Variants in NDUFB4 observed in about 807,000 individuals in gnomAD.
NDUFB4 encodes NADH dehydrogenase [ubiquinone] 1 beta subcomplex subunit 4.
In NDUFB4, 10 loss-of-function variants were observed where a neutral mutation model predicts 14.5. The observed-to-expected ratio is 0.69, with a 90% confidence interval of 0.43 to 1.17. NDUFB4 has a LOEUF of 1.17. Ranked by LOEUF, NDUFB4 falls within the 50% of genes most tolerant of loss-of-function variation. NDUFB4 has a pLI of 0.00. For synonymous variants in NDUFB4, 65 were observed against 63.4 expected, an observed-to-expected ratio of 1.03 and a Z score of -0.12; for missense variants, 165 against 161.1, an observed-to-expected ratio of 1.02 and a Z score of -0.13.
intron 1 of NDUFB4, among the ~76,000 whole-genome samples, chr3:120,599,232 AGTTTGGGATATGTGAC>A (rs1213614824): frequency 6.6e-6 from 1 of 152,158 alleles, no homozygotes; most frequent in Non-Finnish European, 1.5e-5. Flanking sequence ...TTGGGAAATC[AGTTTGGGATATGTGAC>A]GTTTTAGATG....
At chr3:120,600,771 G>A (rs1940043921) in intron 1 of NDUFB4, among the ~76,000 whole-genome samples, 1 of 152,202 alleles carries the variant, frequency 6.6e-6, no homozygotes, top group Non-Finnish European at 1.5e-5. Flanking sequence ...AAACAGTCCA[G>A]AGAAGAATAG....
At chr3:120,599,502 G>T (rs1339316460) in intron 1 of NDUFB4, among the ~76,000 whole-genome samples, 1 of 152,074 alleles carries the variant, frequency 6.6e-6, no homozygotes, top group Non-Finnish European at 1.5e-5. Flanking sequence ...CATAGAGTTA[G>T]CAGGAAATCC....
intron 1 of NDUFB4, 196 bp from the exon 2 acceptor site, chr3:120,600,915 G>C: frequency 1.8e-6 from 1 of 559,996 alleles, no homozygotes; most frequent in Non-Finnish European, 3.1e-6. Flanking sequence ...TGAAGGATTT[G>C]AACAAGATCA....
At chr3:120,600,734 G>C (rs1940043471) in intron 1 of NDUFB4, among the ~76,000 whole-genome samples, 1 of 152,190 alleles carries the variant, frequency 6.6e-6, no homozygotes, top group African/African-American at 2.4e-5. Flanking sequence ...GCATGGTTCT[G>C]ATGGTCACAC....
At position 120,596,359 on chromosome 3, in the gene NDUFB4, G is replaced by C. The variant is rs1353055648; in HGVS notation, c.-1G>C. On this transcript the variant is annotated 5_prime_UTR_variant, in exon 1 of 3. Coordinates refer to ENST00000184266, the MANE Select transcript of NDUFB4 (RefSeq NM_004547.6). ...GCGCAATTGTGCCCTGGTTCGCCAA[G>C]ATGTCGTTCCCAAAGTATAAGCCGT... 1 of 1,614,070 alleles carries C rather than the reference G, an allele frequency of 6.2e-7. No individual in the cohort carries two copies. Among genetic ancestry groups the C allele is most frequent in the East Asian group, 2.2e-5 (1 of 44,880 alleles).
chr3:120,600,136 T>TTGAGACGGAGTCTCGCTCTGTCGCCC (rs1940033853), intron 1 of NDUFB4, among the ~76,000 whole-genome samples: 24 of 144,972 alleles, frequency 1.7e-4, no homozygotes, highest in East Asian at 8.7e-4. Context: ...TTTTTTTTTT[T>TTGAGACGGAGTCTCGCTCTGTCGCCC]AAACTTCTGA....
chr3:120,600,590 C>T (rs113530768), intron 1 of NDUFB4, among the ~76,000 whole-genome samples: 7 of 152,294 alleles, frequency 4.6e-5, no homozygotes, highest in Admixed American at 2.6e-4. Flanking sequence ...CTAGCCTACC[C>T]CCTCCTTCAT....
intron 1 of NDUFB4, among the ~76,000 whole-genome samples, chr3:120,596,977 CTA>C (rs1344918424): frequency 7.2e-6 from 1 of 138,012 alleles, no homozygotes; most frequent in African/African-American, 2.6e-5. Context: ...TATATATATT[CTA>C]TATATATGCA....
intron 2 of NDUFB4, chr3:120,601,887 A>G (rs1343194414): frequency 2.8e-6 from 3 of 1,064,568 alleles, no homozygotes; most frequent in Non-Finnish European, 2.3e-6. Flanking sequence ...TTTCCCAGAA[A>G]GTGTTTGCAT....
intron 2 of NDUFB4, chr3:120,601,932 A>G (rs1940070666): frequency 3.4e-6 from 4 of 1,178,892 alleles, no homozygotes; most frequent in Non-Finnish European, 4.2e-6. Flanking sequence ...GGGATAATAT[A>G]TTTCTAATGA....
At chr3:120,601,006 T>C (rs1038475710) in intron 1 of NDUFB4, 105 bp from the exon 2 acceptor site, 1 of 966,352 alleles carries the variant, frequency 1.0e-6, no homozygotes. Flanking sequence ...TTAACTGTTC[T>C]AGAGAACAAA....
chr3:120,602,153 A>G, intron 2 of NDUFB4, 55 bp from the exon 3 acceptor site: 1 of 1,584,020 alleles, frequency 6.3e-7, no homozygotes, highest in Non-Finnish European at 8.5e-7. Context: ...TTTATCTAAT[A>G]TAGCCAACTG....
At chr3:120,601,442 A>G in intron 2 of NDUFB4, 185 bp downstream of exon 2, 2 of 1,432,724 alleles carry the variant, frequency 1.4e-6, no homozygotes, top group Non-Finnish European at 1.8e-6. Context: ...GAAAGTTTTC[A>G]GTCACCTTTG....
chr3:120,597,073 A>T (rs1027706332), intron 1 of NDUFB4, among the ~76,000 whole-genome samples: 4 of 146,324 alleles, frequency 2.7e-5, no homozygotes, highest in African/African-American at 7.5e-5. Context: ...TATATATTTT[A>T]TATATATATA....
intron 2 of NDUFB4, 183 bp from the exon 3 acceptor site, chr3:120,602,025 C>A: frequency 1.4e-6 from 2 of 1,387,032 alleles, no homozygotes; most frequent in Non-Finnish European, 1.9e-6. Flanking sequence ...TCTTCGCACA[C>A]TCCCTGGGCT....
rs1940073342 is a variant in NDUFB4, at chr3:120,602,073, A to C, written c.328-135A>C. ...ATTGCAATTAGGTTTGGAGTGTTTCATTCTGTTTGTCAGTTGTACGGTGGG... is the reference window on the plus strand; with the variant it reads ...ATTGCAATTAGGTTTGGAGTGTTTCCTTCTGTTTGTCAGTTGTACGGTGGG... On this transcript the variant is annotated intron_variant, in intron 2 of 2. Coordinates refer to ENST00000184266, the MANE Select transcript of NDUFB4 (RefSeq NM_004547.6). 5 of 1,478,760 alleles carry C rather than the reference A, an allele frequency of 3.4e-6. No individual in the cohort carries two copies. In the East Asian group the frequency reaches 1.3e-4, roughly 37 times the overall value. The allele number at this position is 1,478,760 out of a possible 1,614,324, so 91.6% of individuals were successfully genotyped here.
chr3:120,601,028 C>A, intron 1 of NDUFB4, 83 bp from the exon 2 acceptor site: 1 of 1,220,306 alleles, frequency 8.2e-7, no homozygotes. Flanking sequence ...TGCGTCTGTG[C>A]TCCTTCACAA....
intron 1 of NDUFB4, among the ~76,000 whole-genome samples, chr3:120,600,048 T>C (rs1485707166): frequency 1.3e-5 from 2 of 150,314 alleles, no homozygotes; most frequent in African/African-American, 4.9e-5. Context: ...TAGTAGTGAG[T>C]GCTTACACCG....
In NDUFB4 at chr3:120,596,783, A is replaced by C. The variant is rs983781717; in HGVS notation, c.180+244A>C. 1.7e-5 allele frequency: 9 copies of C among 530,228 alleles called. No individual in the cohort carries two copies. The African/African-American group carries it at 1.7e-4, about 10-fold the overall frequency. The allele number at this position is 530,228 out of a possible 1,614,324, so 32.8% of individuals were successfully genotyped here. A position where few individuals can be genotyped will look rare whatever the true frequency, so the allele number is the denominator to read the frequency against. ...CACTTCCTGCCTGCGTGACCTTAAG[A>C]ACGTTATTCACTCTGCTTATCCTCG... is the stretch of plus-strand genomic sequence containing the variant. On this transcript the variant is annotated intron_variant, in intron 1 of 2. Coordinates refer to ENST00000184266, the MANE Select transcript of NDUFB4 (RefSeq NM_004547.6).
Sources: gnomAD v4.1 joint callset for allele counts (sites outside exome capture counted in the v4.1 genomes callset) on GRCh38, gnomAD v4.1.1 for gene constraint, MANE v1.5 for transcripts, NCBI Gene and HGNC (gene_info 2026-07-23, HGNC 2026-07-21) for gene names.